Variants in AFG2A observed in about 807,000 individuals in gnomAD.
AFG2A encodes the protein AAA ATPase AFG2A.
chr4:123,136,525 A>ATT, the AFG2A span, among the ~76,000 whole-genome samples: 15 of 151,822 alleles, frequency 9.9e-5, no homozygotes, highest in East Asian at 2.5e-3. Flanking sequence ...ATACAAAAAA[A>ATT]TTAGCTGGGG....
chr4:123,237,987 T>C, the AFG2A span, among the ~76,000 whole-genome samples: 2 of 152,156 alleles, frequency 1.3e-5, no homozygotes, highest in African/African-American at 2.4e-5. Flanking sequence ...ACTGCGCTTT[T>C]CCCATGGTCT....
the AFG2A span, among the ~76,000 whole-genome samples, chr4:123,290,780 T>A: frequency 2.0e-5 from 3 of 152,048 alleles, no homozygotes; most frequent in Non-Finnish European, 4.4e-5. Context: ...CATAATTCAA[T>A]CACCTCCCAC....
the AFG2A span, among the ~76,000 whole-genome samples, chr4:122,955,893 G>A: frequency 1.3e-5 from 2 of 152,172 alleles, no homozygotes; most frequent in African/African-American, 4.8e-5. Context: ...GGATTAGTGG[G>A]CCTGGTCGTA....
the AFG2A span, among the ~76,000 whole-genome samples, chr4:123,032,333 C>T: frequency 2.0e-5 from 3 of 152,238 alleles, no homozygotes; most frequent in East Asian, 1.9e-4. Flanking sequence ...CTTAAGTTTT[C>T]GACTTTACAA....
chr4:122,990,133 C>T, the AFG2A span, among the ~76,000 whole-genome samples: 6 of 152,138 alleles, frequency 3.9e-5, no homozygotes, highest in East Asian at 1.9e-4. Context: ...CCCAAATTGC[C>T]GGGATTACAG....
the AFG2A span, among the ~76,000 whole-genome samples, chr4:123,075,973 CAACA>C: frequency 1.3e-4 from 9 of 69,136 alleles, no homozygotes; most frequent in Non-Finnish European, 2.3e-4. Flanking sequence ...ACAACAACAA[CAACA>C]AAAAAAAAAA....
At chr4:123,112,686 T>C in the AFG2A span, among the ~76,000 whole-genome samples, 2 of 152,286 alleles carry the variant, frequency 1.3e-5, no homozygotes, top group African/African-American at 4.8e-5. Flanking sequence ...TTATATCTGA[T>C]TCCCATTAGC....
At chr4:123,108,032 C>T in the AFG2A span, among the ~76,000 whole-genome samples, 5 of 152,216 alleles carry the variant, frequency 3.3e-5, no homozygotes, top group African/African-American at 4.8e-5. Context: ...CAGTGAGCCC[C>T]GCCCTCCCAA....
the AFG2A span, among the ~76,000 whole-genome samples, chr4:123,049,736 C>T: frequency 6.6e-6 from 1 of 151,770 alleles, no homozygotes. Flanking sequence ...GGTAGTCTAG[C>T]CAAAGCTTTG....
chr4:123,071,010 T>A, the AFG2A span, among the ~76,000 whole-genome samples: 5 of 152,246 alleles, frequency 3.3e-5, no homozygotes, highest in African/African-American at 9.6e-5. Flanking sequence ...TCTGCTTAAA[T>A]TTCTAGGTAG....
the AFG2A span, among the ~76,000 whole-genome samples, chr4:123,269,031 G>A: frequency 1.3e-5 from 2 of 152,186 alleles, no homozygotes; most frequent in Non-Finnish European, 1.5e-5. Flanking sequence ...GCAAAGTATT[G>A]TCTGAAGAAA....
chr4:122,985,075 T>C, the AFG2A span, among the ~76,000 whole-genome samples: 1 of 152,094 alleles, frequency 6.6e-6, no homozygotes, highest in African/African-American at 2.4e-5. Context: ...AGAATTCCGC[T>C]GTGAATCCAT....
chr4:123,076,337 C>T, the AFG2A span, among the ~76,000 whole-genome samples: 1 of 151,894 alleles, frequency 6.6e-6, no homozygotes, highest in South Asian at 2.1e-4. Flanking sequence ...AAATAAAAAA[C>T]AATTATACAG....
the AFG2A span, among the ~76,000 whole-genome samples, chr4:123,120,520 TGA>T: frequency 6.6e-6 from 1 of 152,184 alleles, no homozygotes; most frequent in African/African-American, 2.4e-5. Flanking sequence ...CTGGCAAGAC[TGA>T]GTTTTGGTGA....
chr4:122,978,661 TG>T, the AFG2A span, among the ~76,000 whole-genome samples: 1 of 152,172 alleles, frequency 6.6e-6, no homozygotes, highest in Non-Finnish European at 1.5e-5. Flanking sequence ...TCCATGGTGC[TG>T]GGGCTGTTCA....
At chr4:123,145,493 A>G in the AFG2A span, among the ~76,000 whole-genome samples, 4 of 152,260 alleles carry the variant, frequency 2.6e-5, no homozygotes, top group Non-Finnish European at 5.9e-5. Context: ...ATCTGCTAAT[A>G]TGTTAAGCAC....
the AFG2A span, among the ~76,000 whole-genome samples, chr4:123,077,789 G>A: frequency 6.6e-6 from 1 of 152,090 alleles, no homozygotes; most frequent in Non-Finnish European, 1.5e-5. Flanking sequence ...GGAGGGGGAC[G>A]TTGTTTCTTG....
the AFG2A span, among the ~76,000 whole-genome samples, chr4:123,025,708 A>T: frequency 4.8e-3 from 730 of 152,344 alleles, 5 homozygotes; most frequent in African/African-American, 0.017. Flanking sequence ...AGTTAACAAA[A>T]TGTAAAACAT....
the AFG2A span, among the ~76,000 whole-genome samples, chr4:123,236,719 C>G: frequency 1.3e-5 from 2 of 151,402 alleles, no homozygotes; most frequent in Non-Finnish European, 3.0e-5. Context: ...CTAACTTGTA[C>G]AAGCCATATC....
Sources: allele counts gnomAD v4.1 joint callset (sites outside exome capture counted in the v4.1 genomes callset), GRCh38; gene constraint gnomAD v4.1.1; transcripts MANE v1.5; gene names NCBI Gene and HGNC (gene_info 2026-07-23, HGNC 2026-07-21).